NAALADL2: variants seen among roughly 807,000 people sequenced by gnomAD.
The protein encoded by NAALADL2 is N-acetylated alpha-linked acidic dipeptidase like 2.
A neutral mutation model predicts 87.2 loss-of-function variants in NAALADL2; 76 were observed. That is an observed-to-expected ratio of 0.87 (90% CI 0.72 to 1.05). NAALADL2 has a LOEUF of 1.05. Among genes scored for constraint, NAALADL2 ranks in the 50% least tolerant of loss-of-function variants. The probability of loss-of-function intolerance (pLI) is 0.00; values close to 1 mark genes in which losing one functional copy is unlikely to be tolerated. For synonymous variants in NAALADL2, 354 were observed against 331.0 expected (o/e 1.07, Z -0.75); for missense variants, 1,089 against 945.8 (o/e 1.15, Z -1.99).
At chr3:174,752,601 A>G (rs1319494875) in intron 3 of NAALADL2, among the ~76,000 whole-genome samples, 1 of 150,450 alleles carries the variant, frequency 6.6e-6, no homozygotes, top group Admixed American at 6.6e-5. Flanking sequence ...TTTTTATTTC[A>G]CATAACCAGC....
At chr3:175,062,235 G>T (rs376169239) in intron 1 of NAALADL2, among the ~76,000 whole-genome samples, 171 of 152,234 alleles carry the variant, frequency 1.1e-3, no homozygotes, top group African/African-American at 4.0e-3. Context: ...GCTTGTTTTG[G>T]TTAAACAATG....
chr3:174,910,055 A>G (rs1733496058), intron 1 of NAALADL2, among the ~76,000 whole-genome samples: 1 of 152,148 alleles, frequency 6.6e-6, no homozygotes, highest in African/African-American at 2.4e-5. Flanking sequence ...ACTGTAGCAC[A>G]AATAAAATAT....
chr3:174,958,567 G>A (rs989109241), intron 1 of NAALADL2, among the ~76,000 whole-genome samples: 1 of 152,024 alleles, frequency 6.6e-6, no homozygotes, highest in Non-Finnish European at 1.5e-5. Context: ...GATTACACGT[G>A]CAGTTCAAAT....
intron 4 of NAALADL2, among the ~76,000 whole-genome samples, chr3:175,287,600 A>G (rs1254130743): frequency 6.6e-6 from 1 of 152,220 alleles, no homozygotes; most frequent in Non-Finnish European, 1.5e-5. Flanking sequence ...GTCTGACTCC[A>G]GAGTGTGTGC....
intron 1 of NAALADL2, among the ~76,000 whole-genome samples, chr3:175,092,417 T>C (rs1720310237): frequency 6.6e-6 from 1 of 151,882 alleles, no homozygotes; most frequent in South Asian, 2.1e-4. Context: ...TGTGATCATA[T>C]TCGTAAGTGG....
intron 13 of NAALADL2, among the ~76,000 whole-genome samples, chr3:175,775,558 A>G (rs1271798661): frequency 6.6e-6 from 1 of 152,144 alleles, no homozygotes; most frequent in African/African-American, 2.4e-5. Context: ...TATTCTAGGC[A>G]TTATGCTTGA....
intron 3 of NAALADL2, among the ~76,000 whole-genome samples, chr3:174,843,790 T>C (rs1472816957): frequency 6.6e-6 from 1 of 152,020 alleles, no homozygotes; most frequent in Non-Finnish European, 1.5e-5. Flanking sequence ...CGATGTTGAG[T>C]TTTTTTTCAT....
At chr3:175,008,581 A>G (rs1486137590) in intron 1 of NAALADL2, among the ~76,000 whole-genome samples, 1 of 152,156 alleles carries the variant, frequency 6.6e-6, no homozygotes, top group Non-Finnish European at 1.5e-5. Context: ...AGTTTCTTAT[A>G]CTAAGTAAAG....
chr3:174,619,326 A>C (rs1347096383), intron 2 of NAALADL2, among the ~76,000 whole-genome samples: 1 of 151,918 alleles, frequency 6.6e-6, no homozygotes, highest in Non-Finnish European at 1.5e-5. Context: ...TTGACTATTC[A>C]TTGTTGCCTT....
intron 1 of NAALADL2, among the ~76,000 whole-genome samples, chr3:174,443,215 G>C (rs1349776519): frequency 6.6e-6 from 1 of 152,154 alleles, no homozygotes; most frequent in Non-Finnish European, 1.5e-5. Context: ...AAGAAAGCAA[G>C]AATAGAAGCA....
Position 175,520,321 on chromosome 3 carries a change from T to C in NAALADL2, c.1653+48563T>C, listed in dbSNP as rs911419968. Among the ~76,000 whole-genome samples the C allele has an allele frequency of 1.1e-3, 135 of 126,380 alleles. 1 individual carries two copies. The highest frequency in any genetic ancestry group is 4.4e-3 in the Middle Eastern group (1 of 228). The allele number at this position is 126,380 out of a possible 152,430, so 82.9% of individuals were successfully genotyped here. ...TTTTTTTTTTTTTTGAGACGGAGTC[T>C]CGCTCTGTCGCCCAGGCCAGACTGC... On this transcript the variant is annotated intron_variant, in intron 9 of 13. Coordinates refer to ENST00000454872, the MANE Select transcript of NAALADL2 (RefSeq NM_207015.3).
chr3:175,060,204 G>A (rs1294689008), intron 1 of NAALADL2, among the ~76,000 whole-genome samples: 2 of 152,168 alleles, frequency 1.3e-5, no homozygotes, highest in African/African-American at 4.8e-5. Flanking sequence ...GTCTTTTCAA[G>A]AGAAAGATGA....
chr3:175,536,209 A>G (rs1734795970), intron 9 of NAALADL2, among the ~76,000 whole-genome samples: 2 of 152,244 alleles, frequency 1.3e-5, no homozygotes, highest in Non-Finnish European at 2.9e-5. Context: ...TTTGGCAAAT[A>G]GAAGGTTATC....
intron 11 of NAALADL2, among the ~76,000 whole-genome samples, chr3:175,662,330 G>C (rs929273711): frequency 1.3e-5 from 2 of 151,866 alleles, no homozygotes; most frequent in South Asian, 2.1e-4. Context: ...ACTGATTTTT[G>C]TATGTTGATA....
chr3:174,474,164 C>T (rs1316841871), intron 1 of NAALADL2, among the ~76,000 whole-genome samples: 1 of 152,154 alleles, frequency 6.6e-6, no homozygotes, highest in Admixed American at 6.6e-5. Flanking sequence ...AAAATAGCAT[C>T]TCATCTTTTC....
chr3:175,577,643 A>G (rs1042380219), intron 10 of NAALADL2, among the ~76,000 whole-genome samples: 1 of 152,188 alleles, frequency 6.6e-6, no homozygotes, highest in African/African-American at 2.4e-5. Flanking sequence ...CAGAATATCT[A>G]ACTCCCACCA....
chr3:174,855,410 C>T (rs965338624), upstream of NAALADL2, among the ~76,000 whole-genome samples: 27 of 152,078 alleles, frequency 1.8e-4, no homozygotes, highest in African/African-American at 6.0e-4. Context: ...TATTCTCTTT[C>T]ATTTCTTATC....
At chr3:175,478,983 G>A (rs983477481) in intron 9 of NAALADL2, among the ~76,000 whole-genome samples, 7 of 151,652 alleles carry the variant, frequency 4.6e-5, no homozygotes, top group African/African-American at 9.7e-5. Flanking sequence ...AGTGATATTC[G>A]TTCTTATGAC....
intron 1 of NAALADL2, among the ~76,000 whole-genome samples, chr3:174,487,379 C>A (rs1578008095): frequency 6.6e-6 from 1 of 151,992 alleles, no homozygotes; most frequent in East Asian, 1.9e-4. Flanking sequence ...CCCATTATTT[C>A]AAAGAATCTC....
Sources: gnomAD v4.1 joint callset for allele counts (sites outside exome capture counted in the v4.1 genomes callset) on GRCh38, gnomAD v4.1.1 for gene constraint, MANE v1.5 for transcripts, NCBI Gene and HGNC (gene_info 2026-07-23, HGNC 2026-07-21) for gene names.